The following NDEL1 variants were observed in gnomAD, a reference collection of about 807,000 sequenced individuals.
NDEL1 encodes nuclear distribution protein nudE-like 1.
In NDEL1, 9 loss-of-function variants were observed where a neutral mutation model predicts 45.7. That is an observed-to-expected ratio of 0.20 (90% confidence interval 0.12 to 0.34). The LOEUF (loss-of-function observed/expected upper bound fraction) is 0.34, where lower values mean the gene tolerates loss of function less well. Among genes scored for constraint, NDEL1 ranks in the 10% least tolerant of loss-of-function variants. The pLI is 1.00. For synonymous variants in NDEL1, 133 were observed against 158.6 expected (o/e 0.84, Z 1.21); for missense variants, 306 against 406.2 (o/e 0.75, Z 2.12).
intron 8 of NDEL1, chr17:8,463,036 C>T (rs1597559167): frequency 3.5e-6 from 1 of 283,140 alleles, no homozygotes; most frequent in East Asian, 7.3e-5. Context: ...GCTGCCGTGC[C>T]TGCTTCCCAG....
chr17:8,432,453 C>T (rs561623092), upstream of NDEL1, among the ~76,000 whole-genome samples: 270 of 146,254 alleles, frequency 1.8e-3, 1 homozygote, highest in African/African-American at 6.7e-3. Flanking sequence ...GGCGCGATCT[C>T]GGCTCACTGC....
chr17:8,428,648 C>A (rs1053561992), intron 1 of NDEL1, among the ~76,000 whole-genome samples: 3 of 151,662 alleles, frequency 2.0e-5, no homozygotes, highest in Admixed American at 6.6e-5. Context: ...TAGGTGTGAG[C>A]CCCCATGCCT....
chr17:8,434,556 A>G (rs1226591703), upstream of NDEL1, among the ~76,000 whole-genome samples: 1 of 152,122 alleles, frequency 6.6e-6, no homozygotes, highest in African/African-American at 2.4e-5. Context: ...CCTAAAGGAA[A>G]GGATTACCTT....
At chr17:8,433,596 G>C (rs1909071830), upstream of NDEL1, among the ~76,000 whole-genome samples, 1 of 152,174 alleles carries the variant, frequency 6.6e-6, no homozygotes, top group Admixed American at 6.5e-5. Context: ...TCTTCAAACT[G>C]ATTTCTTATC....
chr17:8,459,914 A>C, intron 7 of NDEL1, 95 bp from the exon 8 acceptor site: 2 of 1,305,532 alleles, frequency 1.5e-6, no homozygotes, highest in Non-Finnish European at 2.1e-6. Context: ...GAGATGAGTA[A>C]GTTTTGAGGC....
chr17:8,417,978 T>C (rs1908595295), intron 1 of NDEL1, among the ~76,000 whole-genome samples: 1 of 152,206 alleles, frequency 6.6e-6, no homozygotes, highest in Non-Finnish European at 1.5e-5. Context: ...CGACAGATCT[T>C]CCTGTTTTTA....
At position 8,459,585 on chromosome 17, in the gene NDEL1, C is replaced by T. The variant is rs1423198908; in HGVS notation, c.793-424C>T. Reference sequence around the variant, plus strand: ...AGAACCTAGAGAAAGAATTGGCTGCCGTAAAAAAAATTCTCAAGTGATATT... The same window carrying T: ...AGAACCTAGAGAAAGAATTGGCTGCTGTAAAAAAAATTCTCAAGTGATATT... On this transcript the variant is annotated intron_variant, in intron 7 of 8. Coordinates refer to ENST00000334527, the MANE Select transcript of NDEL1 (RefSeq NM_030808.5). 3.9e-5 allele frequency among the ~76,000 whole-genome samples: 6 copies of T among 152,088 alleles called. No individual in the cohort carries two copies. In the South Asian group the frequency reaches 1.0e-3, roughly 26 times the overall value.
At chr17:8,433,821 C>CA (rs1008641687), upstream of NDEL1, among the ~76,000 whole-genome samples, 133 of 146,454 alleles carry the variant, frequency 9.1e-4, 1 homozygote, top group Non-Finnish European at 1.4e-3. Context: ...TGGCCCTGTG[C>CA]AAAAAAAAAA....
intron 8 of NDEL1, among the ~76,000 whole-genome samples, chr17:8,463,599 G>T (rs1911380834): frequency 6.6e-6 from 1 of 152,200 alleles, no homozygotes; most frequent in South Asian, 2.1e-4. Context: ...AGCATGCCAG[G>T]TGGCACGCCT....
At chr17:8,472,023 C>A (rs761455697), downstream of NDEL1, among the ~76,000 whole-genome samples, 4 of 152,176 alleles carry the variant, frequency 2.6e-5, no homozygotes. Context: ...CTCACCACTT[C>A]CTAACGATTC....
chr17:8,453,763 A>G (rs1296877150), intron 6 of NDEL1, among the ~76,000 whole-genome samples: 1 of 152,212 alleles, frequency 6.6e-6, no homozygotes, highest in Non-Finnish European at 1.5e-5. Flanking sequence ...ATTATTTTGG[A>G]ATAGTAAATG....
intron 1 of NDEL1, among the ~76,000 whole-genome samples, chr17:8,439,147 TA>T (rs1249957420): frequency 6.6e-6 from 1 of 151,572 alleles, no homozygotes; most frequent in East Asian, 1.9e-4. Context: ...TTCACCATGT[TA>T]GCAGGATAGT....
chr17:8,426,348 A>C (rs748848713), intron 1 of NDEL1, among the ~76,000 whole-genome samples: 1 of 152,006 alleles, frequency 6.6e-6, no homozygotes, highest in East Asian at 1.9e-4. Context: ...GGTAAGAAAC[A>C]CTCCATTTCT....
chr17:8,444,438 A>T, intron 2 of NDEL1, 81 bp downstream of exon 2: 2 of 921,878 alleles, frequency 2.2e-6, no homozygotes, highest in Non-Finnish European at 3.4e-6. Flanking sequence ...TCTTTTTAAC[A>T]TAAAGCTAAA....
At chr17:8,430,398 A>ATTAC (rs1206364339) in intron 1 of NDEL1, among the ~76,000 whole-genome samples, 13 of 152,202 alleles carry the variant, frequency 8.5e-5, no homozygotes, top group African/African-American at 3.1e-4. Flanking sequence ...ATCTCGTCAG[A>ATTAC]ATTTCCACAG....
chr17:8,472,129 T>G (rs570579205), downstream of NDEL1, among the ~76,000 whole-genome samples: 30 of 152,170 alleles, frequency 2.0e-4, no homozygotes, highest in African/African-American at 7.2e-4. Context: ...TCTCCAGTCT[T>G]GATGTGGACA....
chr17:8,436,112 T>C (rs991575523), intron 1 of NDEL1, 67 bp downstream of exon 1: 34 of 301,702 alleles, frequency 1.1e-4, no homozygotes, highest in Middle Eastern at 2.1e-3. Flanking sequence ...AGGCCTGCCC[T>C]TGGGGAGCCT....
At chr17:8,466,604 T>C in intron 8 of NDEL1, 1 of 276,310 alleles carries the variant, frequency 3.6e-6, no homozygotes, top group Non-Finnish European at 6.8e-6. Context: ...ATTGTTCAGT[T>C]GTACCATTAT....
downstream of NDEL1, among the ~76,000 whole-genome samples, chr17:8,468,735 C>T (rs1304942005): frequency 6.6e-6 from 1 of 152,200 alleles, no homozygotes; most frequent in Non-Finnish European, 1.5e-5. Flanking sequence ...TAACTGAAAA[C>T]GATGTGAATC....
Sources: allele counts gnomAD v4.1 joint callset (sites outside exome capture counted in the v4.1 genomes callset), GRCh38; gene constraint gnomAD v4.1.1; transcripts MANE v1.5; gene names NCBI Gene and HGNC (gene_info 2026-07-23, HGNC 2026-07-21).